ATP8B4: variants seen among roughly 807,000 people sequenced by gnomAD.
The protein encoded by ATP8B4 is ATPase phospholipid transporting 8B4 (putative).
In ATP8B4, 133 loss-of-function variants were observed where a neutral mutation model predicts 145.6. That is an observed-to-expected ratio of 0.91 (90% CI 0.79 to 1.05). The LOEUF (loss-of-function observed/expected upper bound fraction) is 1.05. Among genes scored for constraint, ATP8B4 ranks in the 50% least tolerant of loss-of-function variants. The pLI, the probability that ATP8B4 is intolerant of heterozygous loss-of-function variation, is 0.00. For synonymous variants in ATP8B4, 507 were observed against 492.9 expected (o/e 1.03, Z -0.38); for missense variants, 1,458 against 1,425.2 (o/e 1.02, Z -0.37).
chr15:49,862,356 C>A lies in ATP8B4; in HGVS notation c.3186G>T (p.Leu1062=). The A allele has an allele frequency of 6.2e-7, 1 of 1,613,576 alleles. No homozygotes were observed. Among genetic ancestry groups the A allele is most frequent in the South Asian group, 1.1e-5 (1 of 91,026 alleles). ...FPFVGNARHS[L]TQKCIWLVIL... ...TTACAAGCCAGATGCACTTCTGGGT[C>A]AGGGAATGTCGTGCATTACCTATCA... The change falls in exon 27 of 28, where the codon CTG becomes CTT. Residue 1062 remains leucine (L), a synonymous_variant. Transcript: ENST00000284509.
intron 23 of ATP8B4, among the ~76,000 whole-genome samples, chr15:49,889,335 G>A (rs561601528): frequency 6.6e-6 from 1 of 152,268 alleles, no homozygotes; most frequent in African/African-American, 2.4e-5. Context: ...CCAGAGTAAA[G>A]ATTCTAGGTT....
At chr15:49,874,919 T>C (rs2034169401) in intron 25 of ATP8B4, among the ~76,000 whole-genome samples, 1 of 152,010 alleles carries the variant, frequency 6.6e-6, no homozygotes, top group African/African-American at 2.4e-5. Context: ...ATAAAGTTAA[T>C]ATAAAAACAT....
intron 20 of ATP8B4, among the ~76,000 whole-genome samples, chr15:49,910,843 C>A (rs1319798430): frequency 6.6e-6 from 1 of 151,986 alleles, no homozygotes; most frequent in Non-Finnish European, 1.5e-5. Context: ...AAGTCTTTCC[C>A]AGACAAGCAA....
intron 4 of ATP8B4, among the ~76,000 whole-genome samples, chr15:50,045,218 A>T (rs773311164): frequency 6.6e-6 from 1 of 152,206 alleles, no homozygotes; most frequent in Non-Finnish European, 1.5e-5. Context: ...CCCAGTACAC[A>T]ACACAGAATA....
At chr15:50,160,486 C>G (rs375707744) in intron 1 of ATP8B4, among the ~76,000 whole-genome samples, 1 of 144,692 alleles carries the variant, frequency 6.9e-6, no homozygotes, top group Non-Finnish European at 1.5e-5. Context: ...GTTTATCTGA[C>G]GTTTTTCTAC....
chr15:50,084,953 T>C (rs1221393181), intron 2 of ATP8B4, among the ~76,000 whole-genome samples: 2 of 152,196 alleles, frequency 1.3e-5, no homozygotes, highest in African/African-American at 2.4e-5. Flanking sequence ...AAAGTTCCTT[T>C]TGCCTTGTAA....
chr15:49,950,237 C>A (rs747585631), intron 14 of ATP8B4, among the ~76,000 whole-genome samples: 2 of 152,058 alleles, frequency 1.3e-5, no homozygotes, highest in African/African-American at 4.8e-5. Context: ...AGGAATGGTA[C>A]CAGCTCCTCC....
Position 49,898,111 on chromosome 15 carries a change from A to G in ATP8B4, c.2430T>C (p.Thr810=). Reference sequence around the variant, plus strand: ...CATTGGCTCCATCACCAATGGCCAAAGTAACAGCATTTCTGTACTTCTTCA... The same window carrying G: ...CATTGGCTCCATCACCAATGGCCAAGGTAACAGCATTTCTGTACTTCTTCA... ...ELVKKYRNAV[T]LAIGDGANDV... is the part of the protein sequence containing the mutation. Residue 810 remains threonine, a synonymous_variant, in exon 22 of 28, where the codon ACT becomes ACC. Transcript: ENST00000284509. 6.2e-7 allele frequency: 1 copy of G among 1,613,926 alleles called. No individual in the cohort carries two copies. Among genetic ancestry groups the G allele is most frequent in the South Asian group, 1.1e-5 (1 of 91,070 alleles).
chr15:49,976,657 G>C (rs1325274062), intron 12 of ATP8B4, among the ~76,000 whole-genome samples: 1 of 152,154 alleles, frequency 6.6e-6, no homozygotes, highest in Non-Finnish European at 1.5e-5. Context: ...CAATTTGATT[G>C]TTGTGTTATA....
chr15:49,916,025 C>T (rs1292878251), intron 20 of ATP8B4, among the ~76,000 whole-genome samples: 1 of 151,760 alleles, frequency 6.6e-6, no homozygotes, highest in African/African-American at 2.4e-5. Context: ...AGCTCCCCAT[C>T]TAGAATGGAG....
chr15:49,926,424 T>C (rs1182748117), intron 16 of ATP8B4, among the ~76,000 whole-genome samples: 1 of 152,146 alleles, frequency 6.6e-6, no homozygotes, highest in Non-Finnish European at 1.5e-5. Context: ...GAAAATCACT[T>C]TAACCTAACT....
intron 20 of ATP8B4, among the ~76,000 whole-genome samples, chr15:49,908,987 G>C (rs545875030): frequency 6.6e-6 from 1 of 152,132 alleles, no homozygotes; most frequent in African/African-American, 2.4e-5. Context: ...CACGGCCAGA[G>C]TGCAGCTACT....
intron 13 of ATP8B4, among the ~76,000 whole-genome samples, chr15:49,971,987 C>T (rs988060502): frequency 6.6e-6 from 1 of 152,116 alleles, no homozygotes; most frequent in Non-Finnish European, 1.5e-5. Flanking sequence ...ATGGGTGAGG[C>T]TGGAAACCAT....
chr15:49,887,404 G>A (rs1243279551), intron 23 of ATP8B4, among the ~76,000 whole-genome samples: 1 of 151,666 alleles, frequency 6.6e-6, no homozygotes, highest in Non-Finnish European at 1.5e-5. Context: ...GGGGCAGGGT[G>A]GAGGTTGAGG....
chr15:49,978,127 T>G (rs562210904), intron 12 of ATP8B4, among the ~76,000 whole-genome samples: 1 of 152,228 alleles, frequency 6.6e-6, no homozygotes, highest in African/African-American at 2.4e-5. Context: ...AAAGAAAGAA[T>G]GTATACATAA....
chr15:49,895,590 G>A (rs2037313941), intron 23 of ATP8B4: 1 of 152,242 alleles, frequency 6.6e-6, no homozygotes, highest in African/African-American at 2.4e-5. Flanking sequence ...GACAGGTGGT[G>A]TGCCTTACAG....
At chr15:50,082,263 T>G (rs754611559) in intron 2 of ATP8B4, among the ~76,000 whole-genome samples, 1 of 152,208 alleles carries the variant, frequency 6.6e-6, no homozygotes, top group Non-Finnish European at 1.5e-5. Flanking sequence ...GAACACATTC[T>G]GATACAATTG....
chr15:50,017,631 A>T (rs1247143960), intron 6 of ATP8B4, among the ~76,000 whole-genome samples: 1 of 152,228 alleles, frequency 6.6e-6, no homozygotes, highest in Non-Finnish European at 1.5e-5. Context: ...TATAGAGCCA[A>T]GTGAAGAGAT....
intron 10 of ATP8B4, among the ~76,000 whole-genome samples, chr15:49,981,566 G>T (rs2153535147): frequency 6.6e-6 from 1 of 152,142 alleles, no homozygotes; most frequent in East Asian, 1.9e-4. Flanking sequence ...TTTTTTCAAT[G>T]TCTATACATG....
Sources: allele counts gnomAD v4.1 joint callset (sites outside exome capture counted in the v4.1 genomes callset), GRCh38; gene constraint gnomAD v4.1.1; transcripts MANE v1.5; gene names NCBI Gene and HGNC (gene_info 2026-07-23, HGNC 2026-07-21).